Variants in GUCA1B observed in about 807,000 individuals in gnomAD.
GUCA1B encodes the protein guanylate cyclase activator 1B, also known as guanylyl cyclase-activating protein 2.
Under a neutral mutation model 24.2 loss-of-function variants are expected in GUCA1B, and 22 were observed. The ratio of observed to expected loss-of-function variants is 0.91; its 90% CI spans 0.65 to 1.30. The LOEUF (loss-of-function observed/expected upper bound fraction) is 1.30, where lower values mean the gene tolerates loss of function less well. GUCA1B is among the 50% of genes most tolerant of loss of function. The pLI is 0.00. For synonymous variants in GUCA1B, 100 were observed against 97.9 expected, an observed-to-expected ratio of 1.02 and a Z score of -0.13; for missense variants, 221 against 258.8, an observed-to-expected ratio of 0.85 and a Z score of 1.00.
intron 2 of GUCA1B, among the ~76,000 whole-genome samples, chr6:42,186,719 G>A (rs563065854): frequency 5.3e-5 from 8 of 152,118 alleles, no homozygotes; most frequent in Non-Finnish European, 1.0e-4. Context: ...CACCTCTATG[G>A]CCTCACTGCT....
Position 42,194,821 on chromosome 6 carries a change from G to A in GUCA1B, c.-1C>T. 1.9e-6 allele frequency: 3 copies of A among 1,558,456 alleles called. No individual in the cohort carries two copies. The highest frequency in any genetic ancestry group is 2.6e-6 in the Non-Finnish European group (3 of 1,150,788). ...CCTCCCAGCTAAACTCCTGCCCCAT[G>A]CTAGCCCTGAGGAGCATCAGGGAGC... On this transcript the variant is annotated 5_prime_UTR_variant, in exon 1 of 4. Coordinates refer to ENST00000230361, the MANE Select transcript of GUCA1B (RefSeq NM_002098.6).
chr6:42,191,803 T>G (rs776202313), intron 1 of GUCA1B, among the ~76,000 whole-genome samples: 4 of 152,040 alleles, frequency 2.6e-5, no homozygotes, highest in Non-Finnish European at 5.9e-5. Context: ...ACTACGCCAG[T>G]GATGGGACAA....
At chr6:42,189,250 A>G (rs1189883179) in intron 1 of GUCA1B, among the ~76,000 whole-genome samples, 3 of 152,054 alleles carry the variant, frequency 2.0e-5, no homozygotes, top group Non-Finnish European at 2.9e-5. Context: ...TGTCTATTCT[A>G]CACAGCTTGG....
At chr6:42,188,947 C>CT (rs1768255414) in intron 1 of GUCA1B, among the ~76,000 whole-genome samples, 15 of 105,848 alleles carry the variant, frequency 1.4e-4, no homozygotes, top group African/African-American at 5.5e-4. Flanking sequence ...GACTATCTAT[C>CT]ATCTGTCTAT....
At position 42,188,925 on chromosome 6, in the gene GUCA1B, C is replaced by A. The variant is rs9689576; in HGVS notation, c.208-194G>T. Among the ~76,000 whole-genome samples the A allele has an allele frequency of 9.6e-3, 798 of 83,350 alleles. 14 individuals carry two copies. Among genetic ancestry groups the A allele is most frequent in the African/African-American group, 0.067 (715 of 10,604 alleles). The allele number at this position is 83,350 out of a possible 152,430, so 54.7% of individuals were successfully genotyped here. A position where few individuals can be genotyped will look rare whatever the true frequency, so the allele number is the denominator to read the frequency against. ...CTATATCTATATCATCTCTCTCTCT[C>A]TCTCTCTATCTGACTATCTATCATC... On this transcript the variant is annotated intron_variant, in intron 1 of 3. Coordinates refer to ENST00000230361, the MANE Select transcript of GUCA1B (RefSeq NM_002098.6).
chr6:42,194,638 C>T lies in GUCA1B; in HGVS notation c.183G>A (p.Met61Ile), dbSNP rs754130006. The change falls in exon 1 of 4, where the codon ATG becomes ATA. Residue 61 changes from methionine to isoleucine, a missense_variant. Coordinates refer to ENST00000230361, the MANE Select transcript of GUCA1B (RefSeq NM_002098.6). ...DEEASQYVEG[M>I]FRAFDKNGDN... is the part of the protein sequence containing the mutation. ...CCCCATTCTTGTCGAAGGCTCGGAA[C>T]ATGCCCTCTACATACTGGGAGGCCT... 1.2e-6 allele frequency: 2 copies of T among 1,612,998 alleles called. No homozygotes were observed. Among genetic ancestry groups the T allele is most frequent in the Non-Finnish European group, 1.7e-6 (2 of 1,178,956 alleles).
At chr6:42,187,889 C>A (rs1768223554) in intron 2 of GUCA1B, among the ~76,000 whole-genome samples, 1 of 151,686 alleles carries the variant, frequency 6.6e-6, no homozygotes. Flanking sequence ...CTTTGTTGCC[C>A]CAGCTGGAAT....
At position 42,184,664 on chromosome 6, in the gene GUCA1B, C is replaced by T; in HGVS notation, c.*151G>A. 2.4e-6 allele frequency: 2 copies of T among 824,674 alleles called. No homozygotes were observed. Among genetic ancestry groups the T allele is most frequent in the Non-Finnish European group, 4.2e-6 (2 of 481,268 alleles). The allele number at this position is 824,674 out of a possible 1,614,324, so 51.1% of individuals were successfully genotyped here. ...GCCCTGTTGGCCACTTCAAACCCAG[C>T]AGCCCTTCCCCATCCCCACTCAGCC... On this transcript the variant is annotated 3_prime_UTR_variant, in exon 4 of 4. Coordinates refer to ENST00000230361, the MANE Select transcript of GUCA1B (RefSeq NM_002098.6).
chr6:42,192,383 GAGAAA>G (rs112816400), intron 1 of GUCA1B, among the ~76,000 whole-genome samples: 17,962 of 63,176 alleles, frequency 0.28, 2,810 homozygotes, highest in East Asian at 0.46. Flanking sequence ...AAAAAAAAGA[GAGAAA>G]AGAAAAGAAA....
chr6:42,184,250 C>G lies in GUCA1B; in HGVS notation c.*565G>C, dbSNP rs963242690. Reference sequence around the variant, plus strand: ...GACTACAGGCGCCCGCCACCTCACCCGGCTGATTTTTTGTATTTTTAGTAG... The same window carrying G: ...GACTACAGGCGCCCGCCACCTCACCGGGCTGATTTTTTGTATTTTTAGTAG... On this transcript the variant is annotated 3_prime_UTR_variant, in exon 4 of 4. Coordinates refer to ENST00000230361, the MANE Select transcript of GUCA1B (RefSeq NM_002098.6). Among the ~76,000 whole-genome samples the G allele has an allele frequency of 9.2e-5, 14 of 152,146 alleles. No homozygotes were observed. The highest frequency in any genetic ancestry group is 7.2e-4 in the Admixed American group (11 of 15,280).
chr6:42,191,370 C>G (rs1479533757), intron 1 of GUCA1B, among the ~76,000 whole-genome samples: 2 of 152,116 alleles, frequency 1.3e-5, no homozygotes, highest in Non-Finnish European at 2.9e-5. Flanking sequence ...GTTTCCATCA[C>G]CTCACATTTT....
intron 3 of GUCA1B, 87 bp from the exon 4 acceptor site, chr6:42,185,029 C>T (rs756102495): frequency 5.5e-5 from 69 of 1,256,100 alleles, no homozygotes; most frequent in Non-Finnish European, 7.4e-5. Flanking sequence ...TCCCAGGATG[C>T]GCCTACACGT....
chr6:42,188,154 C>T (rs1324973332), intron 2 of GUCA1B, among the ~76,000 whole-genome samples: 1 of 152,082 alleles, frequency 6.6e-6, no homozygotes. Context: ...CTTCTGTTTC[C>T]AAAATATATG....
chr6:42,191,531 C>T (rs1268525591), intron 1 of GUCA1B, among the ~76,000 whole-genome samples: 6 of 152,138 alleles, frequency 3.9e-5, no homozygotes, highest in African/African-American at 1.4e-4. Context: ...AAGGCTCAGT[C>T]CCTGAGAGAG....
In GUCA1B at chr6:42,194,778, C is replaced by T. The variant is rs771552358; in HGVS notation, c.43G>A (p.Glu15Lys). 12 of 1,593,776 alleles carry T rather than the reference C, an allele frequency of 7.5e-6. No individual in the cohort carries two copies. The highest frequency in any genetic ancestry group is 4.5e-5 in the South Asian group (4 of 88,700). Residue 15 changes from glutamate (E) to lysine (K), a missense_variant, in exon 1 of 4, where the codon GAG becomes AAG. Coordinates refer to ENST00000230361, the MANE Select transcript of GUCA1B (RefSeq NM_002098.6). ...FSWEEAEAAG[E>K]IDVAELQEWY... ...TCCTGGAGCTCCGCCACATCTATCT[C>T]GCCAGCTGCCTCCGCCTCCTCCCAG...
chr6:42,184,288 A>G lies in GUCA1B; in HGVS notation c.*527T>C. The stretch of plus-strand genomic sequence containing the variant: ...GTATTTTTAGTAGAGACGGGGTTTC[A>G]CCCCGTGTTAGCCAGGATGGTCTCG... On this transcript the variant is annotated 3_prime_UTR_variant, in exon 4 of 4. Transcript: ENST00000230361. 5.7e-6 allele frequency: 1 copy of G among 176,218 alleles called. No individual in the cohort carries two copies. The highest frequency in any genetic ancestry group is 1.2e-5 in the Non-Finnish European group (1 of 82,228). The allele number at this position is 176,218 out of a possible 1,614,324, so 10.9% of individuals were successfully genotyped here. A position where few individuals can be genotyped will look rare whatever the true frequency, so the allele number is the denominator to read the frequency against.
At chr6:42,194,281 G>A (rs948771279) in intron 1 of GUCA1B, among the ~76,000 whole-genome samples, 21 of 152,292 alleles carry the variant, frequency 1.4e-4, no homozygotes, top group African/African-American at 5.1e-4. Flanking sequence ...CCGGTCATTG[G>A]GCTGCAGAGT....
intron 1 of GUCA1B, among the ~76,000 whole-genome samples, chr6:42,189,311 C>T (rs952558251): frequency 3.3e-5 from 5 of 152,190 alleles, no homozygotes; most frequent in Admixed American, 6.6e-5. Context: ...GTCTTGTTCT[C>T]TAGCCATGTT....
At position 42,192,382 on chromosome 6, in the gene GUCA1B, A is replaced by G. The variant is rs1304828672; in HGVS notation, c.207+2232T>C. On this transcript the variant is annotated intron_variant, in intron 1 of 3. Transcript: ENST00000230361. ...AAAAAAAAAAAAAAAAAAAAAAAAG[A>G]GAGAAAAGAAAAGAAAAGAAAAGAA... 6.1e-4 allele frequency among the ~76,000 whole-genome samples: 5 copies of G among 8,230 alleles called. 1 individual carries two copies. The highest frequency in any genetic ancestry group is 3.2e-3 in the Admixed American group (3 of 932). 5.4% of individuals were successfully genotyped at this position (8,230 alleles called of 152,430 possible). A position where few individuals can be genotyped will look rare whatever the true frequency, so the allele number is the denominator to read the frequency against.
Sources: allele counts gnomAD v4.1 joint callset (sites outside exome capture counted in the v4.1 genomes callset), GRCh38; gene constraint gnomAD v4.1.1; transcripts MANE v1.5; gene names NCBI Gene and HGNC (gene_info 2026-07-23, HGNC 2026-07-21).